TRPM5: variants seen among roughly 807,000 people sequenced by gnomAD.
TRPM5 encodes MLSN1 and TRP-related.
Under a neutral mutation model 124.9 loss-of-function variants are expected in TRPM5, and 121 were observed. The ratio of observed to expected loss-of-function variants is 0.97; its 90% CI spans 0.84 to 1.13. The LOEUF is 1.13. Among genes scored for constraint, TRPM5 ranks in the 50% most tolerant of loss-of-function variants. TRPM5 has a pLI of 0.00. For synonymous variants in TRPM5, 781 were observed against 700.5 expected, an observed-to-expected ratio of 1.11 and a Z score of -1.81; for missense variants, 1,643 against 1,589.1, an observed-to-expected ratio of 1.03 and a Z score of -0.58.
At chr11:2,414,009 G>GGGGCCCCCCCCCCCCCCCCCCCCCC in intron 12 of TRPM5, 52 bp downstream of exon 17, 1 of 1,023,714 alleles carries the variant, frequency 9.8e-7, no homozygotes, top group Non-Finnish European at 1.4e-6. Context: ...GGCCCAGCTC[G>GGGGCCCCCCCCCCCCCCCCCCCCCC]CCCGCCCACC....
the TRPM5 span, among the ~76,000 whole-genome samples, chr11:2,442,713 CT>C: frequency 1.3e-5 from 2 of 152,216 alleles, no homozygotes; most frequent in African/African-American, 4.8e-5. This position sits in a 1 kb window ranked among gnomAD's most constrained non-coding sequence, Gnocchi z 5.9. Context: ...CCTGTGCCTG[CT>C]GCCTCTCCCA....
At chr11:2,410,652 T>C (rs1478825475) in intron 18 of TRPM5, 3 of 451,280 alleles carry the variant, frequency 6.6e-6, no homozygotes, top group African/African-American at 6.0e-5. Flanking sequence ...GCCAAGCGGC[T>C]CTGACCCCCG....
intron 7 of TRPM5, among the ~76,000 whole-genome samples, 158 bp from the exon 13 acceptor site, chr11:2,416,182 G>A (rs1845672971): frequency 6.6e-6 from 1 of 152,240 alleles, no homozygotes. Context: ...GCACCAGCAG[G>A]AGGCACGAGA....
At chr11:2,428,126 A>G in the TRPM5 span, among the ~76,000 whole-genome samples, 1 of 152,216 alleles carries the variant, frequency 6.6e-6, no homozygotes, top group Non-Finnish European at 1.5e-5. The surrounding 1 kb of genome is among the most constrained non-coding windows in gnomAD (Gnocchi z 4.0). Flanking sequence ...ATAGCTGTTG[A>G]GCTACTTAGC....
the TRPM5 span, among the ~76,000 whole-genome samples, chr11:2,438,563 C>T: frequency 3.0e-4 from 45 of 152,064 alleles, 1 homozygote; most frequent in East Asian, 3.9e-3. The surrounding 1 kb of genome is among the most constrained non-coding windows in gnomAD (Gnocchi z 5.9). Context: ...GCTACTGGGG[C>T]GGTTAAGGTG....
At chr11:2,434,590 T>G in the TRPM5 span, among the ~76,000 whole-genome samples, 1 of 146,658 alleles carries the variant, frequency 6.8e-6, no homozygotes, top group East Asian at 2.0e-4. Flanking sequence ...GGACGCTGTA[T>G]GTGAAAGTGT....
the TRPM5 span, among the ~76,000 whole-genome samples, chr11:2,430,734 ATGGTGATGGTGTTGG>A: frequency 1.3e-5 from 1 of 77,072 alleles, no homozygotes; most frequent in Non-Finnish European, 2.6e-5. Flanking sequence ...GGTGGCGGTG[ATGGTGATGGTGTTGG>A]TGGTGGTGGT....
At chr11:2,430,899 T>TTGA in the TRPM5 span, among the ~76,000 whole-genome samples, 5 of 139,704 alleles carry the variant, frequency 3.6e-5, no homozygotes, top group Admixed American at 2.3e-4. Context: ...GGTGACGGTA[T>TTGA]TGGTGGTGGT....
chr11:2,414,013 GC>G, intron 12 of TRPM5, 47 bp downstream of exon 17: 7 of 625,620 alleles, frequency 1.1e-5, no homozygotes, highest in Non-Finnish European at 1.4e-5. Context: ...CAGCTCGCCC[GC>G]CCACCCCACC....
chr11:2,422,831 C>G (rs1305991579), intron 1 of TRPM5, 89 bp downstream of exon 6: 1 of 1,161,142 alleles, frequency 8.6e-7, no homozygotes, highest in Non-Finnish European at 1.3e-6. Context: ...TGAGGAGGAC[C>G]CTGGCACTCA....
At chr11:2,432,870 G>A in the TRPM5 span, among the ~76,000 whole-genome samples, 30,529 of 152,174 alleles carry the variant, frequency 0.2, 4,142 homozygotes, top group African/African-American at 0.37. Context: ...TGGTGGGGGC[G>A]TCAGGTCTGA....
intron 20 of TRPM5, 59 bp downstream of exon 25, chr11:2,407,060 C>T (rs1047475670): frequency 9.5e-6 from 14 of 1,473,392 alleles, no homozygotes; most frequent in South Asian, 2.7e-5. Context: ...CGCACAGCCC[C>T]GCCCTGGGAC....
chr11:2,414,009 G>GGGGGGGGGCCC, intron 12 of TRPM5, 52 bp downstream of exon 17: 1 of 1,023,734 alleles, frequency 9.8e-7, no homozygotes, highest in Non-Finnish European at 1.4e-6. Flanking sequence ...GGCCCAGCTC[G>GGGGGGGGGCCC]CCCGCCCACC....
intron 23 of TRPM5, 44 bp from the exon 29 acceptor site, chr11:2,405,087 G>T (rs368830033): frequency 5.1e-4 from 798 of 1,549,900 alleles, no homozygotes; most frequent in Non-Finnish European, 6.5e-4. Context: ...AACCAGCAAG[G>T]CAGGCCCAGG....
intron 18 of TRPM5, among the ~76,000 whole-genome samples, chr11:2,409,033 G>C (rs1313587696): frequency 6.6e-6 from 1 of 152,200 alleles, no homozygotes; most frequent in Non-Finnish European, 1.5e-5. Context: ...CTTGTTCCCA[G>C]GTTCCTGCCT....
chr11:2,417,332 G>A (rs141415080), intron 7 of TRPM5, among the ~76,000 whole-genome samples: 2 of 152,324 alleles, frequency 1.3e-5, no homozygotes, highest in African/African-American at 4.8e-5. Context: ...GGGTGCACCT[G>A]TAATCCCAGC....
At chr11:2,406,858 C>T (rs1850333134) in intron 20 of TRPM5, 65 bp from the exon 26 acceptor site, 2 of 1,557,368 alleles carry the variant, frequency 1.3e-6, no homozygotes, top group Non-Finnish European at 1.7e-6. Flanking sequence ...GAGCCCAGGC[C>T]TGGTCCCGGG....
chr11:2,412,750 C>A lies in TRPM5; in HGVS notation c.2355+4G>T. The A allele has an allele frequency of 6.3e-7, 1 of 1,586,838 alleles. No individual in the cohort carries two copies. The highest frequency in any genetic ancestry group is 8.6e-7 in the Non-Finnish European group (1 of 1,166,260). On this transcript the variant is annotated splice_donor_region_variant and intron_variant, in intron 15 of 23. Coordinates refer to ENST00000155858, the Ensembl canonical transcript of TRPM5. Reference sequence around the variant, plus strand: ...AGGGGACCTAGGCTAGTGTGGCCACCGACCTGCCGGATTTCCTCCAGCACC... The same window carrying A: ...AGGGGACCTAGGCTAGTGTGGCCACAGACCTGCCGGATTTCCTCCAGCACC...
At chr11:2,443,919 C>A in the TRPM5 span, among the ~76,000 whole-genome samples, 1 of 151,902 alleles carries the variant, frequency 6.6e-6, no homozygotes, top group African/African-American at 2.4e-5. This position sits in a 1 kb window ranked among gnomAD's most constrained non-coding sequence, Gnocchi z 5.0. Flanking sequence ...TGTGACCAAC[C>A]CACCCCCACC....
Sources: allele counts gnomAD v4.1 joint callset (sites outside exome capture counted in the v4.1 genomes callset), GRCh38; gene constraint gnomAD v4.1.1; non-coding constraint Gnocchi (gnomAD v3.1); transcripts MANE v1.5; gene names NCBI Gene and HGNC (gene_info 2026-07-23, HGNC 2026-07-21).